ZCRB1: variants seen among roughly 807,000 people sequenced by gnomAD.
The protein encoded by ZCRB1 is zinc finger CCHC-type and RNA binding motif containing 1, also known as zinc finger CCHC-type and RNA-binding motif-containing protein 1.
A neutral mutation model predicts 29.9 loss-of-function variants in ZCRB1; 21 were observed. The observed-to-expected ratio is 0.70, with a 90% CI of 0.50 to 1.01. ZCRB1 has a LOEUF of 1.01. Among genes scored for constraint, ZCRB1 ranks in the 50% least tolerant of loss-of-function variants. The pLI is 0.00. For missense variants in ZCRB1, 204 were observed against 253.3 expected (o/e 0.81, Z 1.32); for synonymous variants, 77 against 80.0 (o/e 0.96, Z 0.20).
intron 2 of ZCRB1, 67 bp downstream of exon 2, chr12:42,323,952 C>A: frequency 1.5e-6 from 2 of 1,363,786 alleles, no homozygotes; most frequent in South Asian, 1.3e-5. Flanking sequence ...AAGAATTTGC[C>A]AGGGAGAACT....
At chr12:42,313,236 T>C in intron 7 of ZCRB1, 38 bp from the exon 8 acceptor site, 5 of 1,578,012 alleles carry the variant, frequency 3.2e-6, no homozygotes, top group Non-Finnish European at 4.3e-6. Flanking sequence ...AATAACCTGT[T>C]TAATATTATT....
intron 7 of ZCRB1, among the ~76,000 whole-genome samples, 200 bp from the exon 8 acceptor site, chr12:42,313,398 TAAA>T (rs896794152): frequency 6.6e-6 from 1 of 152,178 alleles, no homozygotes; most frequent in Non-Finnish European, 1.5e-5. Context: ...GGCAATTTCT[TAAA>T]AAAATCTTTT....
At chr12:42,323,962 T>G (rs1427774095) in intron 2 of ZCRB1, 57 bp downstream of exon 2, 1 of 1,412,980 alleles carries the variant, frequency 7.1e-7, no homozygotes, top group Admixed American at 1.9e-5. Context: ...CAGGGAGAAC[T>G]ATTTGCTTAA....
At chr12:42,317,562 G>T in intron 4 of ZCRB1, 115 bp from the exon 5 acceptor site, 1 of 913,064 alleles carries the variant, frequency 1.1e-6, no homozygotes, top group Non-Finnish European at 1.6e-6. Flanking sequence ...TTTAGCAATT[G>T]TCACTTAGGT....
chr12:42,322,430 C>A lies in ZCRB1; in HGVS notation c.101G>T (p.Gly34Val). The change falls in exon 3 of 8, where the codon GGC becomes GTC. Residue 34 changes from glycine to valine, a missense_variant. By Grantham distance (109) the Gly-to-Val change is moderately radical (BLOSUM62 -3). Transcript: ENST00000266529. ...TGTGAATACTTACTTTACAACTTTG[C>A]CATACTTGGAAAATATCTGAAACAA... ...NDLYRIFSKY[G>V]KVVKVTIMKD... The A allele has an allele frequency of 1.3e-6, 2 of 1,483,212 alleles. No homozygotes were observed. Among genetic ancestry groups the A allele is most frequent in the Non-Finnish European group, 1.8e-6 (2 of 1,098,868 alleles). The allele number at this position is 1,483,212 out of a possible 1,614,324, so 91.9% of individuals were successfully genotyped here. A position where few individuals can be genotyped will look rare whatever the true frequency, so the allele number is the denominator to read the frequency against.
At chr12:42,314,461 AG>A (rs1454995643) in intron 5 of ZCRB1, among the ~76,000 whole-genome samples, 3 of 146,816 alleles carry the variant, frequency 2.0e-5, no homozygotes, top group Non-Finnish European at 4.5e-5. Flanking sequence ...ACACACCTGT[AG>A]TCCCAGCTAC....
At chr12:42,320,340 A>C (rs921886873) in intron 3 of ZCRB1, among the ~76,000 whole-genome samples, 3 of 151,886 alleles carry the variant, frequency 2.0e-5, no homozygotes, top group Admixed American at 6.6e-5. Context: ...AAATCTGACC[A>C]CCTCTCAAAT....
chr12:42,316,779 A>C (rs886221714), intron 5 of ZCRB1, among the ~76,000 whole-genome samples: 8 of 152,250 alleles, frequency 5.3e-5, no homozygotes, highest in Non-Finnish European at 1.2e-4. Context: ...TGACATAAGT[A>C]ATCAGTCTAA....
Position 42,324,539 on chromosome 12 carries a change from G to C in ZCRB1, c.-2-435C>G, listed in dbSNP as rs187011866. On this transcript the variant is annotated intron_variant, in intron 1 of 7. Coordinates refer to ENST00000266529, the MANE Select transcript of ZCRB1 (RefSeq NM_033114.4). Reference sequence around the variant, plus strand: ...AAAACAAAAAACAAAAACCAATAAAGTATTAACAATCACCGATTTAATTAT... The same window carrying C: ...AAAACAAAAAACAAAAACCAATAAACTATTAACAATCACCGATTTAATTAT... Among the ~76,000 whole-genome samples, 250 of 152,294 alleles carry C rather than the reference G, an allele frequency of 1.6e-3. 1 individual carries two copies. Among genetic ancestry groups the C allele is most frequent in the African/African-American group, 5.7e-3 (238 of 41,562 alleles).
chr12:42,324,108 A>G lies in ZCRB1; in HGVS notation c.-2-4T>C. Reference sequence around the variant, plus strand: ...GGAGCCAATCCACCACTCATTTCTAAAAGTGAAAACAAACTTATCAGCAAT... The same window carrying G: ...GGAGCCAATCCACCACTCATTTCTAGAAGTGAAAACAAACTTATCAGCAAT... On this transcript the variant is annotated splice_polypyrimidine_tract_variant and splice_region_variant and intron_variant, in intron 1 of 7. Transcript: ENST00000266529. The G allele has an allele frequency of 6.2e-7, 1 of 1,613,746 alleles. No individual in the cohort carries two copies. Among genetic ancestry groups the G allele is most frequent in the Non-Finnish European group, 8.5e-7 (1 of 1,179,682 alleles).
At chr12:42,315,870 A>T (rs1196187079) in intron 5 of ZCRB1, among the ~76,000 whole-genome samples, 2 of 152,188 alleles carry the variant, frequency 1.3e-5, no homozygotes, top group Non-Finnish European at 2.9e-5. Context: ...ATCAGTATGT[A>T]TCCAAGCAAC....
chr12:42,317,315 T>C, intron 5 of ZCRB1, 25 bp downstream of exon 5: 1 of 1,526,096 alleles, frequency 6.6e-7, no homozygotes, highest in East Asian at 2.3e-5. Context: ...TATGGAAAGT[T>C]CCATTAAGTT....
At chr12:42,314,385 T>A (rs2068584392) in intron 5 of ZCRB1, among the ~76,000 whole-genome samples, 1 of 63,598 alleles carries the variant, frequency 1.6e-5, no homozygotes, top group African/African-American at 6.4e-5. Flanking sequence ...AATGGTGAAA[T>A]CCCGTCTCTA....
intron 3 of ZCRB1, among the ~76,000 whole-genome samples, chr12:42,320,014 T>C (rs2068613686): frequency 6.6e-6 from 1 of 152,046 alleles, no homozygotes; most frequent in Non-Finnish European, 1.5e-5. Context: ...AATACTTTGA[T>C]AGAGATACCT....
chr12:42,317,967 T>C, intron 3 of ZCRB1, 69 bp from the exon 4 acceptor site: 1 of 1,301,088 alleles, frequency 7.7e-7, no homozygotes, highest in Non-Finnish European at 1.1e-6. Flanking sequence ...ACTTGAAAAA[T>C]TCATTTTAAA....
rs536326654 is a variant in ZCRB1 at position 42,313,905 on chromosome 12, T to G, written c.415A>C (p.Lys139Gln). 1.1e-5 allele frequency: 18 copies of G among 1,603,862 alleles called. No individual in the cohort carries two copies. The East Asian group carries it at 4.0e-4, about 36-fold the overall frequency. Residue 139 changes from lysine to glutamine, a missense_variant, in exon 6 of 8, where the codon AAA (lysine) becomes CAA (glutamine). Coordinates refer to ENST00000266529, the MANE Select transcript of ZCRB1 (RefSeq NM_033114.4). The stretch of plus-strand genomic sequence containing the variant: ...TCTTCTGGTTCAGGAGCTTTCTTTT[T>G]TTTCTTTTTTTCTTTCTTCTTTGGA... The part of the protein sequence containing the change: ...EPPKKKEKKK[K>Q]KKAPEPEEEI...
At chr12:42,319,373 TTG>T (rs1362267914) in intron 3 of ZCRB1, among the ~76,000 whole-genome samples, 1 of 152,208 alleles carries the variant, frequency 6.6e-6, no homozygotes, top group African/African-American at 2.4e-5. Context: ...TCAAAAATCT[TTG>T]GTTCTGTAAG....
At chr12:42,316,838 C>A (rs952491324) in intron 5 of ZCRB1, among the ~76,000 whole-genome samples, 2 of 152,154 alleles carry the variant, frequency 1.3e-5, no homozygotes, top group Non-Finnish European at 2.9e-5. Context: ...AGAGAAAATA[C>A]CACTTTGTAT....
At chr12:42,317,123 A>C (rs897997785) in intron 5 of ZCRB1, among the ~76,000 whole-genome samples, 1 of 152,174 alleles carries the variant, frequency 6.6e-6, no homozygotes, top group Non-Finnish European at 1.5e-5. Flanking sequence ...TGGGAGGATC[A>C]GTTGGGCCCG....
Sources: gnomAD v4.1 joint callset for allele counts (sites outside exome capture counted in the v4.1 genomes callset) on GRCh38, gnomAD v4.1.1 for gene constraint, MANE v1.5 for transcripts, NCBI Gene and HGNC (gene_info 2026-07-23, HGNC 2026-07-21) for gene names.